TOX: variants seen among roughly 807,000 people sequenced by gnomAD.
The protein encoded by TOX is thymocyte selection-associated high mobility group box protein TOX.
In TOX, 11 loss-of-function variants were observed where a neutral mutation model predicts 53.7. The ratio of observed to expected loss-of-function variants is 0.20; its 90% CI spans 0.13 to 0.34. The LOEUF (loss-of-function observed/expected upper bound fraction) is 0.34. Ranked by LOEUF, TOX falls within the 10% of genes least tolerant of loss-of-function variation. TOX has a pLI of 1.00. For synonymous variants in TOX, 225 were observed against 245.3 expected (o/e 0.92, Z 0.77); for missense variants, 570 against 664.6 (o/e 0.86, Z 1.56).
At chr8:59,020,253 C>T (rs1022191873) in intron 1 of TOX, among the ~76,000 whole-genome samples, 3 of 152,250 alleles carry the variant, frequency 2.0e-5, no homozygotes, top group Middle Eastern at 6.8e-3. Context: ...AACTGCAGGC[C>T]CACAGAGTCA....
chr8:59,033,227 C>T (rs1174362913), intron 1 of TOX, among the ~76,000 whole-genome samples: 2 of 152,174 alleles, frequency 1.3e-5, no homozygotes, highest in Non-Finnish European at 2.9e-5. Flanking sequence ...AAACATGGTC[C>T]CCAAATTCTT....
chr8:58,923,491 C>T (rs554464195), intron 3 of TOX, among the ~76,000 whole-genome samples: 2 of 152,260 alleles, frequency 1.3e-5, no homozygotes, highest in Admixed American at 1.3e-4. Context: ...AGTGAAACTT[C>T]CTCACTCCAA....
At chr8:58,810,870 T>C (rs938941976) in intron 7 of TOX, among the ~76,000 whole-genome samples, 1 of 152,168 alleles carries the variant, frequency 6.6e-6, no homozygotes. Context: ...CCGCCATTTT[T>C]TCCCCCCATC....
At chr8:59,060,320 T>C (rs1288082858) in intron 1 of TOX, among the ~76,000 whole-genome samples, 1 of 152,204 alleles carries the variant, frequency 6.6e-6, no homozygotes, top group Non-Finnish European at 1.5e-5. Flanking sequence ...CCAATCCCAA[T>C]AGTGTGCTGG....
At chr8:58,966,247 C>T (rs1014726720) in intron 1 of TOX, among the ~76,000 whole-genome samples, 13 of 152,166 alleles carry the variant, frequency 8.5e-5, no homozygotes, top group Admixed American at 6.5e-4. Flanking sequence ...CTGAATGAAA[C>T]TGGTTCTGAG....
At chr8:58,974,487 A>G (rs1813056447) in intron 1 of TOX, among the ~76,000 whole-genome samples, 1 of 152,184 alleles carries the variant, frequency 6.6e-6, no homozygotes, top group Non-Finnish European at 1.5e-5. Flanking sequence ...TGGACTAGGT[A>G]ATTTGTACAA....
At chr8:58,996,789 G>A (rs1469007114) in intron 1 of TOX, among the ~76,000 whole-genome samples, 1 of 152,184 alleles carries the variant, frequency 6.6e-6, no homozygotes, top group African/African-American at 2.4e-5. Context: ...CAATGCAATA[G>A]TCACACCAGT....
chr8:58,814,078 A>G (rs1563360060), intron 7 of TOX, among the ~76,000 whole-genome samples: 1 of 152,226 alleles, frequency 6.6e-6, no homozygotes, highest in South Asian at 2.1e-4. Context: ...TCTGAGAATT[A>G]AAGAAGAGGT....
chr8:59,063,582 C>T (rs1804031385), intron 1 of TOX, among the ~76,000 whole-genome samples: 1 of 151,848 alleles, frequency 6.6e-6, no homozygotes, highest in Admixed American at 6.6e-5. Flanking sequence ...TGCCACCACG[C>T]CGGGCTAATT....
intron 1 of TOX, among the ~76,000 whole-genome samples, chr8:59,062,626 A>G (rs537899846): frequency 2.6e-5 from 4 of 152,332 alleles, no homozygotes; most frequent in African/African-American, 9.6e-5. Context: ...CCACTTAACA[A>G]CGGGTGTCGT....
intron 3 of TOX, among the ~76,000 whole-genome samples, chr8:58,900,354 A>G (rs1418456918): frequency 6.6e-6 from 1 of 152,186 alleles, no homozygotes; most frequent in East Asian, 1.9e-4. Flanking sequence ...ATGAATACAT[A>G]TAATACCTTA....
At position 58,919,044 on chromosome 8, in the gene TOX, G is replaced by C. The variant is rs889368433; in HGVS notation, c.411+20258C>G. On this transcript the variant is annotated intron_variant, in intron 3 of 8. Transcript: ENST00000361421. ...AGGAGAACTACAAACCACTGCTCAA[G>C]GAAATAAAAGAGGACACAAACAAAT... Among the ~76,000 whole-genome samples, 38 of 143,628 alleles carry C rather than the reference G, an allele frequency of 2.6e-4. No individual in the cohort carries two copies. The East Asian group carries it at 4.3e-3, about 16-fold the overall frequency. 94.2% of individuals were successfully genotyped at this position (143,628 alleles called of 152,430 possible). A position where few individuals can be genotyped will look rare whatever the true frequency, so the allele number is the denominator to read the frequency against.
intron 1 of TOX, among the ~76,000 whole-genome samples, chr8:59,035,584 A>C (rs1438493371): frequency 6.6e-6 from 1 of 152,230 alleles, no homozygotes; most frequent in Non-Finnish European, 1.5e-5. Flanking sequence ...CATGCATTTC[A>C]TTGCTAACAT....
chr8:58,871,588 T>C (rs1052796521), intron 3 of TOX, among the ~76,000 whole-genome samples: 3 of 152,138 alleles, frequency 2.0e-5, no homozygotes, highest in Admixed American at 6.6e-5. Flanking sequence ...GAATTGTACA[T>C]AAGCACTGTA....
chr8:59,001,559 A>C (rs1326148856), intron 1 of TOX, among the ~76,000 whole-genome samples: 1 of 152,206 alleles, frequency 6.6e-6, no homozygotes, highest in Admixed American at 6.5e-5. Flanking sequence ...TTATGTAAGC[A>C]CACAGGGATG....
chr8:58,944,087 A>G (rs1376413771), intron 2 of TOX, among the ~76,000 whole-genome samples: 1 of 152,212 alleles, frequency 6.6e-6, no homozygotes, highest in African/African-American at 2.4e-5. Context: ...CTTCTCCCTG[A>G]TCTTAAGCTA....
At chr8:59,036,821 A>G (rs926883622) in intron 1 of TOX, among the ~76,000 whole-genome samples, 2 of 152,316 alleles carry the variant, frequency 1.3e-5, no homozygotes, top group East Asian at 1.9e-4. Context: ...GTCTGTGACA[A>G]ACAGATTGCT....
intron 3 of TOX, among the ~76,000 whole-genome samples, chr8:58,872,773 G>A (rs115744259): frequency 0.019 from 2,831 of 152,184 alleles, 89 homozygotes; most frequent in African/African-American, 0.065. Flanking sequence ...TAAGACATGA[G>A]GACTAAACGT....
At chr8:58,839,163 G>A (rs1810600787) in intron 4 of TOX, among the ~76,000 whole-genome samples, 2 of 152,168 alleles carry the variant, frequency 1.3e-5, no homozygotes, top group Middle Eastern at 3.2e-3. Flanking sequence ...CTAGATCAGT[G>A]CTGTCCAATG....
Sources: gnomAD v4.1 joint callset for allele counts (sites outside exome capture counted in the v4.1 genomes callset) on GRCh38, gnomAD v4.1.1 for gene constraint, MANE v1.5 for transcripts, NCBI Gene and HGNC (gene_info 2026-07-23, HGNC 2026-07-21) for gene names.